Variants in DNAH14 observed in about 807,000 individuals in gnomAD.
DNAH14 encodes the protein axonemal beta dynein heavy chain 14.
A neutral mutation model predicts 520.9 loss-of-function variants in DNAH14; 478 were observed. The observed-to-expected ratio is 0.92, with a 90% CI of 0.85 to 0.99. The LOEUF is 0.99. Among genes scored for constraint, DNAH14 ranks in the 50% least tolerant of loss-of-function variants. The pLI, the probability that DNAH14 is intolerant of heterozygous loss-of-function variation, is 0.00. For synonymous variants in DNAH14, 1,581 were observed against 1,757.2 expected, an observed-to-expected ratio of 0.90 and a Z score of 2.51; for missense variants, 4,831 against 5,234.5, an observed-to-expected ratio of 0.92 and a Z score of 2.38.
chr1:225,335,461 G>A lies in DNAH14; in HGVS notation c.10081-1805G>A, dbSNP rs1232390215. On this transcript the variant is annotated intron_variant, in intron 66 of 85. Coordinates refer to ENST00000682510, the MANE Select transcript of DNAH14 (RefSeq NM_001367479.1). Reference sequence around the variant, plus strand: ...TGTGTGTGTATGCACATATGCACGTGTGTACATGTGTGTGTATGCACATAT... The same window carrying A: ...TGTGTGTGTATGCACATATGCACGTATGTACATGTGTGTGTATGCACATAT... Among the ~76,000 whole-genome samples the A allele has an allele frequency of 1.8e-4, 18 of 102,614 alleles. 1 individual carries two copies. The highest frequency in any genetic ancestry group is 5.4e-4 in the African/African-American group (15 of 27,726). The allele number at this position is 102,614 out of a possible 152,430, so 67.3% of individuals were successfully genotyped here. A position where few individuals can be genotyped will look rare whatever the true frequency, so the allele number is the denominator to read the frequency against.
intron 23 of DNAH14, among the ~76,000 whole-genome samples, chr1:225,108,969 C>T (rs1400147287): frequency 1.3e-5 from 2 of 152,124 alleles, no homozygotes; most frequent in African/African-American, 2.4e-5. Context: ...TGTTGAGGAA[C>T]CTGCCCTTTT....
At chr1:225,146,097 G>A (rs1006849580) in intron 30 of DNAH14, among the ~76,000 whole-genome samples, 19 of 152,186 alleles carry the variant, frequency 1.2e-4, no homozygotes, top group African/African-American at 4.6e-4. Context: ...AGACTCTCTT[G>A]CCTCCTTCCT....
chr1:225,335,698 TG>T (rs2094978796), intron 66 of DNAH14, among the ~76,000 whole-genome samples: 1 of 90,048 alleles, frequency 1.1e-5, no homozygotes, highest in Admixed American at 9.4e-5. Flanking sequence ...TATATACATA[TG>T]TGCATATATG....
At chr1:225,039,462 T>C (rs2067251579) in intron 12 of DNAH14, among the ~76,000 whole-genome samples, 1 of 152,094 alleles carries the variant, frequency 6.6e-6, no homozygotes, top group Admixed American at 6.5e-5. Flanking sequence ...TTATTACCCA[T>C]CAAATGTATC....
chr1:225,380,571 C>T (rs2095767124), intron 80 of DNAH14, among the ~76,000 whole-genome samples: 1 of 152,126 alleles, frequency 6.6e-6, no homozygotes, highest in Admixed American at 6.5e-5. Context: ...ACAAGTGTAG[C>T]AAACTAGAAA....
At chr1:224,968,721 A>AAAG in intron 6 of DNAH14, 38 bp from the exon 7 acceptor site, 1 of 1,211,052 alleles carries the variant, frequency 8.3e-7, no homozygotes, top group Non-Finnish European at 1.1e-6. Flanking sequence ...CATATTTTTT[A>AAAG]AAGAAATAAA....
chr1:225,308,272 T>C lies in DNAH14; in HGVS notation c.9115-13T>C, dbSNP rs1355474477. On this transcript the variant is annotated splice_polypyrimidine_tract_variant and intron_variant, in intron 59 of 85. Transcript: ENST00000682510. ...TTAAAATTCATTCTAAGAACAATTA[T>C]GTGCTTCATTAGGAAACAGAAACTC... 7 of 1,531,586 alleles carry C rather than the reference T, an allele frequency of 4.6e-6. No individual in the cohort carries two copies. Among genetic ancestry groups the C allele is most frequent in the South Asian group, 1.3e-5 (1 of 78,602 alleles). The allele number at this position is 1,531,586 out of a possible 1,614,324, so 94.9% of individuals were successfully genotyped here.
intron 11 of DNAH14, among the ~76,000 whole-genome samples, chr1:225,033,826 T>C (rs898609504): frequency 3.9e-5 from 6 of 152,170 alleles, no homozygotes; most frequent in Admixed American, 6.6e-5. Context: ...ATTCTTTTTA[T>C]GGCAATTGTG....
At chr1:225,237,630 T>C (rs969438699) in intron 42 of DNAH14, among the ~76,000 whole-genome samples, 1 of 152,200 alleles carries the variant, frequency 6.6e-6, no homozygotes, top group African/African-American at 2.4e-5. Flanking sequence ...TTTCTCTGCA[T>C]TTCCTGAATT....
At chr1:225,163,116 A>G (rs905266208) in intron 35 of DNAH14, among the ~76,000 whole-genome samples, 2 of 136,922 alleles carry the variant, frequency 1.5e-5, no homozygotes, top group Admixed American at 1.5e-4. Flanking sequence ...CTAGCCTGGG[A>G]GACAGCATAA....
At chr1:225,371,591 T>G (rs2095619459) in intron 77 of DNAH14, among the ~76,000 whole-genome samples, 1 of 152,170 alleles carries the variant, frequency 6.6e-6, no homozygotes, top group Non-Finnish European at 1.5e-5. Flanking sequence ...TGAGATAAAA[T>G]TATAATAATT....
chr1:225,084,870 T>C (rs1465867690), intron 20 of DNAH14, among the ~76,000 whole-genome samples: 1 of 146,654 alleles, frequency 6.8e-6, no homozygotes, highest in Non-Finnish European at 1.5e-5. Context: ...AATCTCAGAA[T>C]GTTAGCATTA....
At position 224,977,416 on chromosome 1, in the gene DNAH14, G is replaced by A. The variant is rs1217028626; in HGVS notation, c.830+3263G>A. The stretch of plus-strand genomic sequence containing the variant: ...GACAAGTTAATGGGTGCAGCACACC[G>A]GCATGGCACACGTATACATATGTAA... On this transcript the variant is annotated intron_variant, in intron 8 of 85. Transcript: ENST00000682510. 6.6e-5 allele frequency among the ~76,000 whole-genome samples: 10 copies of A among 152,114 alleles called. No homozygotes were observed. The East Asian group carries it at 7.7e-4, about 12-fold the overall frequency.
intron 36 of DNAH14, among the ~76,000 whole-genome samples, chr1:225,172,193 A>C (rs1049092872): frequency 6.6e-6 from 1 of 152,214 alleles, no homozygotes; most frequent in African/African-American, 2.4e-5. Context: ...TTCCCTTTGA[A>C]AACTGGCACA....
chr1:225,283,087 C>A (rs964059245), intron 54 of DNAH14, among the ~76,000 whole-genome samples: 1 of 149,564 alleles, frequency 6.7e-6, no homozygotes, highest in African/African-American at 2.5e-5. Flanking sequence ...GCCAAGAAAA[C>A]GAAGATAGAG....
chr1:225,228,462 T>A (rs1263214269), intron 41 of DNAH14, among the ~76,000 whole-genome samples: 2 of 146,424 alleles, frequency 1.4e-5, no homozygotes, highest in African/African-American at 5.1e-5. Context: ...ACAACACCTC[T>A]GGGGAAACTG....
chr1:225,068,433 C>A (rs1298581059), intron 17 of DNAH14, among the ~76,000 whole-genome samples: 1 of 152,042 alleles, frequency 6.6e-6, no homozygotes, highest in African/African-American at 2.4e-5. Context: ...TATTTGGGTT[C>A]TTTTTCTGGT....
chr1:225,142,660 G>A (rs2149034928), intron 28 of DNAH14, among the ~76,000 whole-genome samples: 1 of 152,308 alleles, frequency 6.6e-6, no homozygotes, highest in African/African-American at 2.4e-5. Flanking sequence ...CAGGCATGGT[G>A]GCTCACACCT....
intron 78 of DNAH14, among the ~76,000 whole-genome samples, chr1:225,376,405 C>T (rs2095701999): frequency 1.3e-5 from 2 of 151,902 alleles, no homozygotes; most frequent in South Asian, 2.1e-4. Context: ...CCAGCCTGGG[C>T]GACAGAGCAA....
Sources: gnomAD v4.1 joint callset for allele counts (sites outside exome capture counted in the v4.1 genomes callset) on GRCh38, gnomAD v4.1.1 for gene constraint, MANE v1.5 for transcripts, NCBI Gene and HGNC (gene_info 2026-07-23, HGNC 2026-07-21) for gene names.